The following ADAMTS18 variants were observed in gnomAD, a reference collection of about 807,000 sequenced individuals.
The protein encoded by ADAMTS18 is A disintegrin and metalloproteinase with thrombospondin motifs 18.
Under a neutral mutation model 165.9 loss-of-function variants are expected in ADAMTS18, and 157 were observed. The ratio of observed to expected loss-of-function variants is 0.95; its 90% CI spans 0.83 to 1.08. The LOEUF (loss-of-function observed/expected upper bound fraction) is 1.08. Ranked by LOEUF, ADAMTS18 falls within the 50% of genes least tolerant of loss-of-function variation. ADAMTS18 has a pLI of 0.00. For missense variants in ADAMTS18, 2,040 were observed against 1,534.0 expected (o/e 1.33, Z -5.51); for synonymous variants, 782 against 578.2 (o/e 1.35, Z -5.06).
chr16:77,350,710 G>A (rs865890759), intron 10 of ADAMTS18, among the ~76,000 whole-genome samples: 1 of 152,114 alleles, frequency 6.6e-6, no homozygotes, highest in Non-Finnish European at 1.5e-5. Flanking sequence ...GAGCATCAGG[G>A]TCATCTAGAG....
chr16:77,335,523 TAAAG>T (rs2056294536), intron 12 of ADAMTS18, among the ~76,000 whole-genome samples: 1 of 151,968 alleles, frequency 6.6e-6, no homozygotes, highest in Non-Finnish European at 1.5e-5. Flanking sequence ...ATTTTTTTAA[TAAAG>T]AAACAATAAA....
chr16:77,420,366 C>A (rs1363829026), intron 3 of ADAMTS18, among the ~76,000 whole-genome samples: 1 of 152,118 alleles, frequency 6.6e-6, no homozygotes, highest in African/African-American at 2.4e-5. Context: ...CAGGGTTTCT[C>A]AAACTCAACT....
intron 22 of ADAMTS18, among the ~76,000 whole-genome samples, chr16:77,285,116 A>T (rs1283007789): frequency 2.0e-5 from 3 of 151,060 alleles, no homozygotes; most frequent in Admixed American, 2.0e-4. Context: ...GAGATAGGAA[A>T]TGCAAGTGAA....
chr16:77,331,954 A>C (rs991002563), intron 12 of ADAMTS18, among the ~76,000 whole-genome samples: 4 of 152,166 alleles, frequency 2.6e-5, no homozygotes, highest in African/African-American at 9.7e-5. Flanking sequence ...TCTTTTTTAA[A>C]ATGTCCTTTT....
At chr16:77,420,374 A>G (rs902345482) in intron 3 of ADAMTS18, among the ~76,000 whole-genome samples, 13 of 152,300 alleles carry the variant, frequency 8.5e-5, no homozygotes, top group African/African-American at 2.6e-4. Context: ...CTCAAACTCA[A>G]CTGTGCATTA....
intron 10 of ADAMTS18, among the ~76,000 whole-genome samples, chr16:77,348,878 T>TA (rs1401885470): frequency 1.3e-5 from 2 of 151,758 alleles, no homozygotes; most frequent in Admixed American, 6.6e-5. Context: ...TTAACAACAA[T>TA]AAAAAAATGA....
At chr16:77,302,918 G>C (rs2055612308) in intron 16 of ADAMTS18, among the ~76,000 whole-genome samples, 2 of 152,118 alleles carry the variant, frequency 1.3e-5, no homozygotes, top group African/African-American at 2.4e-5. Flanking sequence ...GATGATAAAA[G>C]TGTCACCAGT....
intron 3 of ADAMTS18, among the ~76,000 whole-genome samples, chr16:77,406,216 G>A (rs2057391405): frequency 6.6e-6 from 1 of 151,940 alleles, no homozygotes; most frequent in South Asian, 2.1e-4. Flanking sequence ...CTTAACATTT[G>A]GAAAACCAAT....
chr16:77,368,485 G>A (rs1425816400), intron 3 of ADAMTS18, among the ~76,000 whole-genome samples: 1 of 141,272 alleles, frequency 7.1e-6, no homozygotes, highest in Non-Finnish European at 1.5e-5. Flanking sequence ...CCCTTAGGTT[G>A]GAGTACAATA....
intron 10 of ADAMTS18, among the ~76,000 whole-genome samples, chr16:77,346,442 C>A (rs1344083733): frequency 6.6e-6 from 1 of 151,910 alleles, no homozygotes; most frequent in African/African-American, 2.4e-5. Context: ...AATAAAGACT[C>A]TGGAATTTTT....
intron 2 of ADAMTS18, among the ~76,000 whole-genome samples, chr16:77,432,642 G>C (rs959053902): frequency 5.9e-5 from 9 of 152,180 alleles, no homozygotes; most frequent in Non-Finnish European, 1.3e-4. Context: ...ACTTTGGAAA[G>C]TGTTTAGAAA....
intron 4 of ADAMTS18, 137 bp downstream of exon 4, chr16:77,367,304 T>A (rs1230940436): frequency 1.1e-6 from 1 of 892,590 alleles, no homozygotes; most frequent in East Asian, 2.6e-5. Flanking sequence ...CTGAGAGAGA[T>A]AATTACTGGT....
chr16:77,285,371 C>T (rs906191765), intron 22 of ADAMTS18, among the ~76,000 whole-genome samples: 2 of 151,606 alleles, frequency 1.3e-5, no homozygotes, highest in African/African-American at 2.4e-5. Flanking sequence ...TGGGGTTTCA[C>T]CATGTTGGTC....
chr16:77,334,562 G>GTATATATACTGGATATTA (rs1338939768), intron 12 of ADAMTS18, among the ~76,000 whole-genome samples: 3 of 108,240 alleles, frequency 2.8e-5, no homozygotes, highest in African/African-American at 1.2e-4. Flanking sequence ...ATATTATATA[G>GTATATATACTGGATATTA]TAGTATATAT....
At chr16:77,395,119 T>C (rs2057239601) in intron 3 of ADAMTS18, among the ~76,000 whole-genome samples, 1 of 152,170 alleles carries the variant, frequency 6.6e-6, no homozygotes. Flanking sequence ...CAAGCTGCCA[T>C]ACCAGAAGAG....
chr16:77,379,327 C>A (rs547217168), intron 3 of ADAMTS18, among the ~76,000 whole-genome samples: 2 of 151,754 alleles, frequency 1.3e-5, no homozygotes, highest in East Asian at 3.9e-4. Flanking sequence ...TTTGGTTTGG[C>A]TAGCATCATG....
chr16:77,312,522 G>T (rs562294087), intron 16 of ADAMTS18, among the ~76,000 whole-genome samples: 3 of 152,288 alleles, frequency 2.0e-5, no homozygotes, highest in African/African-American at 7.2e-5. Flanking sequence ...GCAGGCGTGA[G>T]CCACCGCACT....
intron 5 of ADAMTS18, 134 bp downstream of exon 5, chr16:77,364,054 C>G: frequency 1.5e-6 from 2 of 1,296,482 alleles, no homozygotes; most frequent in African/African-American, 2.9e-5. Flanking sequence ...ACATATGTAG[C>G]TATTAAAAGT....
intron 22 of ADAMTS18, 60 bp from the exon 23 acceptor site, chr16:77,284,131 T>A: frequency 7.9e-7 from 1 of 1,259,934 alleles, no homozygotes; most frequent in Non-Finnish European, 1.1e-6. Context: ...TTCTTTTTTT[T>A]TTTTTTTGAG....
Sources: gnomAD v4.1 joint callset for allele counts (sites outside exome capture counted in the v4.1 genomes callset) on GRCh38, gnomAD v4.1.1 for gene constraint, MANE v1.5 for transcripts, NCBI Gene and HGNC (gene_info 2026-07-23, HGNC 2026-07-21) for gene names.